ZNF277: variants seen among roughly 807,000 people sequenced by gnomAD.
ZNF277 encodes the protein nuclear receptor-interacting factor 4.
In ZNF277, 55 loss-of-function variants were observed where a neutral mutation model predicts 60.7. The ratio of observed to expected loss-of-function variants is 0.91; its 90% CI spans 0.73 to 1.13. The LOEUF (loss-of-function observed/expected upper bound fraction) is 1.13. Among genes scored for constraint, ZNF277 ranks in the 50% most tolerant of loss-of-function variants. The pLI, the probability that ZNF277 is intolerant of heterozygous loss-of-function variation, is 0.00. For missense variants in ZNF277, 510 were observed against 523.0 expected, an observed-to-expected ratio of 0.98 and a Z score of 0.24; for synonymous variants, 178 against 179.3, an observed-to-expected ratio of 0.99 and a Z score of 0.06.
chr7:112,226,113 A>G (rs1033804795), intron 1 of ZNF277, among the ~76,000 whole-genome samples: 2 of 152,206 alleles, frequency 1.3e-5, no homozygotes, highest in Non-Finnish European at 2.9e-5. Flanking sequence ...AATGCTAATC[A>G]GAGTTATCTC....
At chr7:112,338,998 A>G (rs1793388035) in intron 9 of ZNF277, among the ~76,000 whole-genome samples, 1 of 152,208 alleles carries the variant, frequency 6.6e-6, no homozygotes, top group African/African-American at 2.4e-5. Flanking sequence ...TGTCAAACAA[A>G]CACGCAAAAA....
chr7:112,243,874 T>C (rs573971120), intron 1 of ZNF277, among the ~76,000 whole-genome samples: 1 of 152,194 alleles, frequency 6.6e-6, no homozygotes, highest in African/African-American at 2.4e-5. Context: ...ATGCTATTTA[T>C]AATAGCAAAG....
chr7:112,242,148 T>G (rs900094762), intron 1 of ZNF277, among the ~76,000 whole-genome samples: 8 of 151,854 alleles, frequency 5.3e-5, no homozygotes, highest in Non-Finnish European at 1.5e-5. Flanking sequence ...CATAAAAATT[T>G]AAAATTTAAA....
At chr7:112,290,556 A>G (rs991791293) in intron 2 of ZNF277, among the ~76,000 whole-genome samples, 1 of 152,216 alleles carries the variant, frequency 6.6e-6, no homozygotes, top group Non-Finnish European at 1.5e-5. Flanking sequence ...TGTATCTTTA[A>G]CATGTATTTG....
At chr7:112,264,262 A>G (rs1033642584) in intron 1 of ZNF277, among the ~76,000 whole-genome samples, 5 of 152,118 alleles carry the variant, frequency 3.3e-5, no homozygotes, top group African/African-American at 1.2e-4. Context: ...TTTTGCCTAG[A>G]ATGCAACTCC....
At chr7:112,275,929 C>T (rs4730520) in intron 1 of ZNF277, among the ~76,000 whole-genome samples, 30,242 of 152,092 alleles carry the variant, frequency 0.2, 3,396 homozygotes, top group African/African-American at 0.31. Context: ...AAATGCCACA[C>T]GGAAATGGGG....
In ZNF277 at chr7:112,336,051, C is replaced by T. The variant is rs1035216826; in HGVS notation, c.802-53C>T. 4.8e-6 allele frequency: 7 copies of T among 1,467,510 alleles called. No individual in the cohort carries two copies. In the East Asian group the frequency reaches 1.6e-4, roughly 34 times the overall value. 90.9% of individuals were successfully genotyped at this position (1,467,510 alleles called of 1,614,324 possible). The stretch of plus-strand genomic sequence containing the variant: ...GATTTTTTTCAAAGTTCTACATACT[C>T]TCTCCCTTCTCTTTCCCCCAATGTC... On this transcript the variant is annotated intron_variant, in intron 7 of 11. Coordinates refer to ENST00000361822, the MANE Select transcript of ZNF277 (RefSeq NM_021994.3).
intron 4 of ZNF277, among the ~76,000 whole-genome samples, chr7:112,297,052 C>T (rs181675814): frequency 0.013 from 1,920 of 149,096 alleles, 43 homozygotes; most frequent in African/African-American, 0.045. Context: ...CTCAGCCTCC[C>T]GAGTAGCTGG....
intron 1 of ZNF277, among the ~76,000 whole-genome samples, chr7:112,242,344 G>A (rs1481211113): frequency 4.6e-5 from 7 of 151,828 alleles, no homozygotes; most frequent in African/African-American, 1.5e-4. Flanking sequence ...CTAAGAAATG[G>A]AACAAGTATC....
intron 1 of ZNF277, among the ~76,000 whole-genome samples, chr7:112,226,619 T>C (rs552317341): frequency 6.6e-6 from 1 of 152,310 alleles, no homozygotes; most frequent in South Asian, 2.1e-4. Context: ...GTGCTTCTTA[T>C]TAAGTCAGGT....
At chr7:112,245,400 A>G (rs117070616) in intron 1 of ZNF277, among the ~76,000 whole-genome samples, 1 of 152,052 alleles carries the variant, frequency 6.6e-6, no homozygotes, top group African/African-American at 2.4e-5. Flanking sequence ...TCCTCTTCTC[A>G]TGTCTTTTCT....
intron 11 of ZNF277, among the ~76,000 whole-genome samples, chr7:112,341,508 T>G (rs1388317591): frequency 6.6e-6 from 1 of 152,236 alleles, no homozygotes; most frequent in African/African-American, 2.4e-5. Context: ...AGCACACTTA[T>G]CTAATTATTT....
At chr7:112,233,031 G>A (rs1822381961) in intron 1 of ZNF277, among the ~76,000 whole-genome samples, 1 of 152,068 alleles carries the variant, frequency 6.6e-6, no homozygotes, top group African/African-American at 2.4e-5. Context: ...TCTGTGAAAT[G>A]TTCTTGCTGA....
At chr7:112,253,447 A>T (rs1791240381) in intron 1 of ZNF277, among the ~76,000 whole-genome samples, 1 of 152,100 alleles carries the variant, frequency 6.6e-6, no homozygotes, top group Non-Finnish European at 1.5e-5. Flanking sequence ...AACCTGTTGA[A>T]ATCTACCTCT....
intron 1 of ZNF277, among the ~76,000 whole-genome samples, chr7:112,275,640 T>G (rs946440210): frequency 6.6e-6 from 1 of 152,208 alleles, no homozygotes; most frequent in Non-Finnish European, 1.5e-5. Flanking sequence ...TTGTTTTTAA[T>G]CCATTTATTT....
chr7:112,252,573 A>G (rs942053720), intron 1 of ZNF277, among the ~76,000 whole-genome samples: 3 of 152,156 alleles, frequency 2.0e-5, no homozygotes, highest in African/African-American at 7.2e-5. Flanking sequence ...CCAATTCCTG[A>G]AAAGGAATTC....
At position 112,340,860 on chromosome 7, in the gene ZNF277, T is replaced by C. The variant is rs1490781731; in HGVS notation, c.1010-12T>C. Reference sequence around the variant, plus strand: ...ACAGTTGTCTAATGATTCTGTATTTTGTCATTTTCAGGATTAAATTTCTAT... The same window carrying C: ...ACAGTTGTCTAATGATTCTGTATTTCGTCATTTTCAGGATTAAATTTCTAT... On this transcript the variant is annotated splice_polypyrimidine_tract_variant and intron_variant, in intron 10 of 11. Coordinates refer to ENST00000361822, the MANE Select transcript of ZNF277 (RefSeq NM_021994.3). The C allele has an allele frequency of 1.2e-6, 2 of 1,608,230 alleles. No homozygotes were observed. The highest frequency in any genetic ancestry group is 1.7e-6 in the Non-Finnish European group (2 of 1,177,938).
intron 4 of ZNF277, among the ~76,000 whole-genome samples, chr7:112,299,432 C>G (rs1357789039): frequency 3.9e-5 from 6 of 152,122 alleles, no homozygotes; most frequent in African/African-American, 1.4e-4. Flanking sequence ...AGAATGTAAA[C>G]TGGTATACCA....
chr7:112,324,955 G>A (rs1186992511), intron 5 of ZNF277, among the ~76,000 whole-genome samples: 2 of 152,080 alleles, frequency 1.3e-5, no homozygotes, highest in African/African-American at 4.8e-5. Context: ...GGGCCCCCAT[G>A]GCTTGGATGA....
Sources: gnomAD v4.1 joint callset for allele counts (sites outside exome capture counted in the v4.1 genomes callset) on GRCh38, gnomAD v4.1.1 for gene constraint, MANE v1.5 for transcripts, NCBI Gene and HGNC (gene_info 2026-07-23, HGNC 2026-07-21) for gene names.